Variants in GTPBP3 observed in about 807,000 individuals in gnomAD.
GTPBP3 encodes 5-taurinomethyluridine-[tRNA] synthase subunit GTPB3, mitochondrial.
A neutral mutation model predicts 42.0 loss-of-function variants in GTPBP3; 35 were observed. That is an observed-to-expected ratio of 0.83 (90% CI 0.64 to 1.10). The LOEUF (loss-of-function observed/expected upper bound fraction) is 1.10, where lower values mean the gene tolerates loss of function less well. Ranked by LOEUF, GTPBP3 falls within the 50% of genes least tolerant of loss-of-function variation. GTPBP3 has a pLI of 0.00. For synonymous variants in GTPBP3, 332 were observed against 314.9 expected, an observed-to-expected ratio of 1.05 and a Z score of -0.58; for missense variants, 691 against 685.2, an observed-to-expected ratio of 1.01 and a Z score of -0.09.
intron 6 of GTPBP3, 24 bp downstream of exon 6, chr19:17,339,290 C>T (rs1269737944): frequency 1.3e-6 from 2 of 1,545,626 alleles, no homozygotes; most frequent in Non-Finnish European, 1.8e-6. Flanking sequence ...GGGAAGGGGG[C>T]GGGGCCTAGT....
chr19:17,340,397 G>T (rs1463826816), intron 7 of GTPBP3, among the ~76,000 whole-genome samples: 3 of 151,878 alleles, frequency 2.0e-5, no homozygotes, highest in African/African-American at 7.3e-5. Context: ...TCATCCCTAA[G>T]CCCTCCGCCC....
At position 17,339,046 on chromosome 19, in the gene GTPBP3, GGGGA is replaced by G. The variant is rs765975578; in HGVS notation, c.664+23_664+26del. 1.3e-5 allele frequency: 21 copies of G among 1,614,054 alleles called. No individual in the cohort carries two copies. The South Asian group carries it at 2.2e-4, about 17-fold the overall frequency. ...AGCAAGGTGGGTCTACCTGGTGGTG[GGGGA>G]GGAAGACACCTCATATCAGCCCTCA... On this transcript the variant is annotated intron_variant, in intron 5 of 8. Coordinates refer to ENST00000324894, the MANE Select transcript of GTPBP3 (RefSeq NM_032620.4).
At chr19:17,339,964 C>A (rs1882861085) in intron 7 of GTPBP3, among the ~76,000 whole-genome samples, 1 of 148,752 alleles carries the variant, frequency 6.7e-6, no homozygotes, top group South Asian at 2.1e-4. Context: ...ACTATGTTGG[C>A]CAGGTTGGTC....
At position 17,338,393 on chromosome 19, in the gene GTPBP3, C is replaced by A; in HGVS notation, c.330C>A (p.Cys110Ter). Residue 110 changes from cysteine to a stop codon, truncating the protein, a stop_gained, in exon 3 of 9, where the codon TGC (cysteine) becomes TGA (stop). Transcript: ENST00000324894. LOFTEE classifies it high-confidence loss of function. ...PGPQSFTGED[C>*]VEFHVHGGPA... is the part of the protein sequence containing the mutation. ...CCCAGAGTTTCACCGGTGAGGACTGCGTGGAGTTCCACGTGCATGGAGGCC... is the reference window on the plus strand; with the variant it reads ...CCCAGAGTTTCACCGGTGAGGACTGAGTGGAGTTCCACGTGCATGGAGGCC... 1 of 1,614,154 alleles carries A rather than the reference C, an allele frequency of 6.2e-7. No homozygotes were observed. Among genetic ancestry groups the A allele is most frequent in the South Asian group, 1.1e-5 (1 of 91,086 alleles).
intron 7 of GTPBP3, among the ~76,000 whole-genome samples, chr19:17,340,653 TG>T (rs1256994147): frequency 1.4e-5 from 2 of 148,000 alleles, no homozygotes; most frequent in East Asian, 4.1e-4. Flanking sequence ...TGCTGTGCCC[TG>T]TCCCTCTTGC....
At chr19:17,337,805 C>A in intron 1 of GTPBP3, 141 bp downstream of exon 1, 2 of 1,233,052 alleles carry the variant, frequency 1.6e-6, no homozygotes, top group East Asian at 2.6e-5. Context: ...ATGACCCTTG[C>A]GGCAGAGCCC....
At position 17,337,574 on chromosome 19, in the gene GTPBP3, C is replaced by T. The variant is rs888808723; in HGVS notation, c.-38C>T. The T allele has an allele frequency of 1.4e-5, 19 of 1,318,358 alleles. No homozygotes were observed. Among genetic ancestry groups the T allele is most frequent in the Non-Finnish European group, 1.8e-5 (18 of 1,028,264 alleles). 81.7% of individuals were successfully genotyped at this position (1,318,358 alleles called of 1,614,324 possible). Reference sequence around the variant, plus strand: ...CCCCCTGCCCAGACTTGAAGCCACACAGGCAGGTCGGGCAGGCGGGTCGCA... The same window carrying T: ...CCCCCTGCCCAGACTTGAAGCCACATAGGCAGGTCGGGCAGGCGGGTCGCA... On this transcript the variant is annotated 5_prime_UTR_variant, in exon 1 of 9. Transcript: ENST00000324894.
chr19:17,337,907 C>A (rs768190085), intron 1 of GTPBP3, 101 bp from the exon 2 acceptor site: 6 of 1,439,658 alleles, frequency 4.2e-6, no homozygotes, highest in East Asian at 2.4e-5. Flanking sequence ...AGCCGCAGAA[C>A]CCCCCCACCT....
Position 17,338,880 on chromosome 19 carries a change from G to A in GTPBP3, c.592-74G>A, listed in dbSNP as rs931652508. The A allele has an allele frequency of 3.2e-6, 5 of 1,543,932 alleles. No individual in the cohort carries two copies. In the African/African-American group the frequency reaches 6.8e-5, roughly 21 times the overall value. ...AGCCGCCATTCTGGCCCCTGAAGTC[G>A]GGCTGGACAAATTGGGTGTGGGAAG... On this transcript the variant is annotated intron_variant, in intron 4 of 8. Coordinates refer to ENST00000324894, the MANE Select transcript of GTPBP3 (RefSeq NM_032620.4).
intron 6 of GTPBP3, 76 bp from the exon 7 acceptor site, chr19:17,339,358 C>T: frequency 3.8e-6 from 6 of 1,587,926 alleles, no homozygotes; most frequent in Non-Finnish European, 4.3e-6. Context: ...CTAAAGCTCC[C>T]TCCAGACATG....
rs2074429570 is a variant in GTPBP3, at chr19:17,341,292, T to C, written c.1223T>C (p.Leu408Pro). 1 of 1,604,178 alleles carries C rather than the reference T, an allele frequency of 6.2e-7. No individual in the cohort carries two copies. The highest frequency in any genetic ancestry group is 1.7e-5 in the Admixed American group (1 of 59,902). Residue 408 changes from leucine (L) to proline (P), a missense_variant, in exon 8 of 9, where the codon CTG becomes CCG. Coordinates refer to ENST00000324894, the MANE Select transcript of GTPBP3 (RefSeq NM_032620.4). Reference protein sequence around the residue: ...CLTGEGLDGLLEALRKELAAV... With the variant: ...CLTGEGLDGLPEALRKELAAV... ...ACGGGAGAGGGGCTGGACGGCCTCC[T>C]GGAGGCGCTGAGGAAGGAGCTAGCT...
In GTPBP3 at chr19:17,341,715, G is replaced by T. The variant is rs758273998; in HGVS notation, c.*12G>T. On this transcript the variant is annotated 3_prime_UTR_variant, in exon 9 of 9. Coordinates refer to ENST00000324894, the MANE Select transcript of GTPBP3 (RefSeq NM_032620.4). ...GTGTGGGCAAGTGACGGGATCCAGG[G>T]AAGTCGCACCCAAGCTGCGTGGAGA... 1 of 1,558,762 alleles carries T rather than the reference G, an allele frequency of 6.4e-7. No homozygotes were observed. The highest frequency in any genetic ancestry group is 8.7e-7 in the Non-Finnish European group (1 of 1,146,882).
At chr19:17,339,949 G>A (rs375255106) in intron 7 of GTPBP3, among the ~76,000 whole-genome samples, 57 of 147,362 alleles carry the variant, frequency 3.9e-4, no homozygotes, top group Non-Finnish European at 7.4e-5. Context: ...TAGAGATGAG[G>A]TTTCACTATG....
chr19:17,336,980 G>A (rs2074373764), upstream of GTPBP3: 1 of 152,164 alleles, frequency 6.6e-6, no homozygotes, highest in Non-Finnish European at 1.5e-5. Flanking sequence ...CCGAGGGAAC[G>A]GCAGAAGGGA....
chr19:17,339,478 C>T lies in GTPBP3; in HGVS notation c.853C>T (p.Arg285Cys), dbSNP rs773428582. The change falls in exon 7 of 9, where the codon CGT becomes TGT. Residue 285 changes from arginine to cysteine, a missense_variant. Coordinates refer to ENST00000324894, the MANE Select transcript of GTPBP3 (RefSeq NM_032620.4). ...SIVSPEPGTT[R>C]DVLETPVDLA... is the part of the protein sequence containing the mutation. ...CGTGTCCCCGGAGCCAGGGACCACC[C>T]GTGACGTGCTGGAGACCCCAGTCGA... is the stretch of plus-strand genomic sequence containing the variant. 2.5e-6 allele frequency: 4 copies of T among 1,613,836 alleles called. No individual in the cohort carries two copies. Among genetic ancestry groups the T allele is most frequent in the Non-Finnish European group, 3.4e-6 (4 of 1,179,982 alleles).
Position 17,339,266 on chromosome 19 carries a change from A to C in GTPBP3, c.808A>C (p.Ser270Arg). The part of the protein sequence containing the change: ...AGKSSLVNLL[S>R]RKPVSIVSPE... ...CAAGAGCAGCCTAGTGAACCTGCTC[A>C]GTGAGTAGGCGGCGGGAAGGGGGCG... is the stretch of plus-strand genomic sequence containing the variant. Residue 270 changes from serine (S) to arginine (R), a missense_variant and splice_region_variant, in exon 6 of 9, where the codon AGT (serine) becomes CGT (arginine). Physicochemically the swap from Ser to Arg is moderately radical, Grantham distance 110 (BLOSUM62 -1). Coordinates refer to ENST00000324894, the MANE Select transcript of GTPBP3 (RefSeq NM_032620.4). 1 of 1,597,348 alleles carries C rather than the reference A, an allele frequency of 6.3e-7. No individual in the cohort carries two copies. Among genetic ancestry groups the C allele is most frequent in the East Asian group, 2.3e-5 (1 of 44,368 alleles).
upstream of GTPBP3, among the ~76,000 whole-genome samples, chr19:17,336,105 G>T (rs531733451): frequency 3.2e-3 from 487 of 151,644 alleles, no homozygotes; most frequent in Non-Finnish European, 5.7e-3. Flanking sequence ...GCATGGTGGC[G>T]CACGCCTGTA....
chr19:17,337,530 A>T, upstream of GTPBP3: 1 of 1,289,946 alleles, frequency 7.8e-7, no homozygotes, highest in South Asian at 3.1e-5. Context: ...TTACTAGTCA[A>T]GCCGCGGAGT....
Position 17,339,535 on chromosome 19 carries a change from A to G in GTPBP3, c.910A>G (p.Thr304Ala), listed in dbSNP as rs745444707. 2.5e-6 allele frequency: 4 copies of G among 1,613,590 alleles called. No individual in the cohort carries two copies. Among genetic ancestry groups the G allele is most frequent in the South Asian group, 1.1e-5 (1 of 91,070 alleles). The part of the protein sequence containing the change: ...LAGFPVLLSD[T>A]AGLREGVGPV... ...CGGATTTCCTGTGCTGCTGAGCGAC[A>G]CGGCTGGGTTGCGGGAGGGCGTGGG... Residue 304 changes from threonine (T) to alanine (A), a missense_variant, in exon 7 of 9, where the codon ACG (threonine) becomes GCG (alanine). By Grantham distance (58) the Thr-to-Ala change is moderately conservative. Coordinates refer to ENST00000324894, the MANE Select transcript of GTPBP3 (RefSeq NM_032620.4).
Sources: gnomAD v4.1 joint callset for allele counts (sites outside exome capture counted in the v4.1 genomes callset) on GRCh38, gnomAD v4.1.1 for gene constraint, MANE v1.5 for transcripts, NCBI Gene and HGNC (gene_info 2026-07-23, HGNC 2026-07-21) for gene names.